Variants in ARID1B observed in about 807,000 individuals in gnomAD.
The protein encoded by ARID1B is AT-rich interactive domain-containing protein 1B.
A neutral mutation model predicts 212.3 loss-of-function variants in ARID1B; 30 were observed. That is an observed-to-expected ratio of 0.14 (90% confidence interval 0.11 to 0.19). The LOEUF is 0.19. ARID1B is among the 10% of genes least tolerant of loss of function. The pLI is 1.00. For missense variants in ARID1B, 2,891 were observed against 3,204.0 expected (o/e 0.90, Z 2.36); for synonymous variants, 1,402 against 1,301.7 (o/e 1.08, Z -1.66).
At position 157,207,722 on chromosome 6, in the gene ARID1B, T is replaced by C. The variant is rs766996279; in HGVS notation, c.6950T>C (p.Met2317Thr). The C allele has an allele frequency of 1.3e-6, 2 of 1,596,122 alleles. No individual in the cohort carries two copies. Among genetic ancestry groups the C allele is most frequent in the Non-Finnish European group, 1.7e-6 (2 of 1,165,534 alleles). ...CCCCTGGAACCACCTAGCGTAGACA[T>C]GATGTGCAGGGCGGCCAAGGCTTTG... ...PPPLEPPSVD[M>T]MCRAAKALLA... Residue 2317 changes from methionine to threonine, a missense_variant, in exon 20 of 20, where the codon ATG becomes ACG. By Grantham distance (81) the Met-to-Thr change is moderately conservative. Transcript: ENST00000636930. This position sits in a 1 kb window ranked among gnomAD's most constrained non-coding sequence, Gnocchi z 8.5.
chr6:156,889,157 C>A (rs1033264368), intron 2 of ARID1B, among the ~76,000 whole-genome samples: 1 of 152,166 alleles, frequency 6.6e-6, no homozygotes, highest in African/African-American at 2.4e-5. Flanking sequence ...TCTTAGGCAA[C>A]CCTCCTACCA....
intron 2 of ARID1B, chr6:156,871,669 ATGCTCTTACT>A: frequency 6.2e-7 from 1 of 1,610,788 alleles, no homozygotes; most frequent in Non-Finnish European, 8.5e-7. Flanking sequence ...ATCTTCTTAC[ATGCTCTTACT>A]TGCTCCAAGT....
rs1412025132 is a variant in ARID1B, at chr6:157,210,487, AAC to A, written c.*2600_*2601del. On this transcript the variant is annotated 3_prime_UTR_variant, in exon 20 of 20. Coordinates refer to ENST00000636930, the MANE Select transcript of ARID1B (RefSeq NM_001374828.1). ...AACAAGTTTTTCTATCCTGATGCGC[AAC>A]ACAGTCTCTAGAGACTAATCCAGGA... The A allele has an allele frequency of 1.7e-5, 4 of 232,266 alleles. No homozygotes were observed. Among genetic ancestry groups the A allele is most frequent in the Non-Finnish European group, 8.5e-6 (1 of 117,534 alleles). 14.4% of individuals were successfully genotyped at this position (232,266 alleles called of 1,614,324 possible).
At chr6:156,985,958 A>G (rs1294326618) in intron 4 of ARID1B, among the ~76,000 whole-genome samples, 1 of 152,202 alleles carries the variant, frequency 6.6e-6, no homozygotes, top group Non-Finnish European at 1.5e-5. Context: ...TTCGAGATGT[A>G]ATGTCCTGTT....
intron 3 of ARID1B, among the ~76,000 whole-genome samples, chr6:156,915,657 A>T (rs1385035744): frequency 1.3e-5 from 2 of 151,646 alleles, no homozygotes; most frequent in African/African-American, 4.8e-5. Context: ...GCACTTTGGG[A>T]GGCCCAGGCG....
intron 7 of ARID1B, among the ~76,000 whole-genome samples, chr6:157,144,661 A>ACTCT (rs10650955): frequency 0.1 from 15,123 of 151,896 alleles, 1,088 homozygotes; most frequent in African/African-American, 0.2. Flanking sequence ...GAGGACTGGG[A>ACTCT]CTCTGGGTAA....
chr6:156,798,057 A>G (rs1260116058), intron 1 of ARID1B, among the ~76,000 whole-genome samples: 3 of 152,254 alleles, frequency 2.0e-5, no homozygotes, highest in Non-Finnish European at 4.4e-5. Flanking sequence ...GGAAGGCGGC[A>G]GTTTGCAGTA....
intron 1 of ARID1B, among the ~76,000 whole-genome samples, chr6:156,817,279 G>A (rs1428586774): frequency 3.3e-5 from 5 of 152,056 alleles, no homozygotes; most frequent in Non-Finnish European, 4.4e-5. Flanking sequence ...GGGAGGTGGA[G>A]ATTGCAGTGA....
chr6:157,183,875 C>T (rs1562330898), intron 12 of ARID1B, among the ~76,000 whole-genome samples: 1 of 152,214 alleles, frequency 6.6e-6, no homozygotes, highest in Non-Finnish European at 1.5e-5. Context: ...GGAATGAGCA[C>T]TTTCACATCA....
intron 4 of ARID1B, among the ~76,000 whole-genome samples, chr6:157,019,334 T>A (rs1780088780): frequency 6.6e-6 from 1 of 152,170 alleles, no homozygotes; most frequent in Non-Finnish European, 1.5e-5. Flanking sequence ...TCAGGAATGG[T>A]CAGATGATGT....
chr6:157,205,561 T>C (rs1794382468), intron 19 of ARID1B: 1 of 152,264 alleles, frequency 6.6e-6, no homozygotes, highest in South Asian at 2.1e-4. Flanking sequence ...TTATTTATCA[T>C]AGGCTAAATT....
At chr6:156,820,493 GT>G (rs1782277715) in intron 1 of ARID1B, among the ~76,000 whole-genome samples, 1 of 152,210 alleles carries the variant, frequency 6.6e-6, no homozygotes, top group South Asian at 2.1e-4. Context: ...TTATTGAGTG[GT>G]TTAGCTCTGC....
At chr6:157,193,467 C>T (rs571934061) in intron 15 of ARID1B, 8 of 152,244 alleles carry the variant, frequency 5.3e-5, no homozygotes, top group African/African-American at 1.9e-4. Flanking sequence ...TCTCTCAGTT[C>T]TGTGGTAGAC....
chr6:156,953,816 G>A (rs547482974), intron 4 of ARID1B, among the ~76,000 whole-genome samples: 178 of 152,132 alleles, frequency 1.2e-3, no homozygotes, highest in Non-Finnish European at 1.9e-3. Flanking sequence ...CAGGAGATTG[G>A]TATTTAGCGT....
Position 157,209,475 on chromosome 6 carries a change from TTAACTC to T in ARID1B, c.*1589_*1594del, listed in dbSNP as rs1274808384. On this transcript the variant is annotated 3_prime_UTR_variant, in exon 20 of 20. Transcript: ENST00000636930. Reference sequence around the variant, plus strand: ...GCTAATTAGTCTTTCTTTGAAGCAATTAACTCTAACGACATTGAGGTATGATCATTT... The same window carrying T: ...GCTAATTAGTCTTTCTTTGAAGCAATTAACGACATTGAGGTATGATCATTT... 8.6e-6 allele frequency: 2 copies of T among 232,806 alleles called. No individual in the cohort carries two copies. Among genetic ancestry groups the T allele is most frequent in the Non-Finnish European group, 1.7e-5 (2 of 117,830 alleles). The allele number at this position is 232,806 out of a possible 1,614,324, so 14.4% of individuals were successfully genotyped here. A position where few individuals can be genotyped will look rare whatever the true frequency, so the allele number is the denominator to read the frequency against.
intron 2 of ARID1B, among the ~76,000 whole-genome samples, chr6:156,880,744 A>AG (rs1786997352): frequency 9.8e-6 from 1 of 101,560 alleles, no homozygotes; most frequent in Non-Finnish European, 2.0e-5. Context: ...TGTCTCAAAA[A>AG]AAAAAAAAAA....
At chr6:157,186,675 A>G in intron 13 of ARID1B, 1 of 376,536 alleles carries the variant, frequency 2.7e-6, no homozygotes, top group Non-Finnish European at 5.5e-6. Context: ...AATTTACGGT[A>G]AAAATGTATG....
chr6:156,950,808 C>T (rs1793528070), intron 4 of ARID1B, among the ~76,000 whole-genome samples: 1 of 152,060 alleles, frequency 6.6e-6, no homozygotes, highest in African/African-American at 2.4e-5. Flanking sequence ...TATTGACTGT[C>T]CTGTCATATC....
chr6:156,914,059 A>C (rs1367242036), intron 3 of ARID1B, among the ~76,000 whole-genome samples: 2 of 84,546 alleles, frequency 2.4e-5, no homozygotes, highest in Non-Finnish European at 2.3e-5. Context: ...TGCCAGCCCC[A>C]CCCCAGCCTG....
Sources: allele counts gnomAD v4.1 joint callset (sites outside exome capture counted in the v4.1 genomes callset), GRCh38; gene constraint gnomAD v4.1.1; non-coding constraint Gnocchi (gnomAD v3.1); transcripts MANE v1.5; gene names NCBI Gene and HGNC (gene_info 2026-07-23, HGNC 2026-07-21).